Variants in AFM observed in about 807,000 individuals in gnomAD.
AFM encodes afamin.
Under a neutral mutation model 68.7 loss-of-function variants are expected in AFM, and 82 were observed. The ratio of observed to expected loss-of-function variants is 1.19; its 90% CI spans 1.00 to 1.43. The LOEUF is 1.43. Ranked by LOEUF, AFM falls within the 40% of genes most tolerant of loss-of-function variation. The pLI is 0.00. For synonymous variants in AFM, 250 were observed against 234.2 expected, an observed-to-expected ratio of 1.07 and a Z score of -0.61; for missense variants, 772 against 701.8, an observed-to-expected ratio of 1.10 and a Z score of -1.13.
At chr4:73,501,647 C>A in intron 12 of AFM, 140 bp from the exon 13 acceptor site, 1 of 764,230 alleles carries the variant, frequency 1.3e-6, no homozygotes, top group South Asian at 2.6e-5. Context: ...TTCAGAAGAC[C>A]CATTCAAAGT....
At chr4:73,488,502 A>G in intron 6 of AFM, 128 bp from the exon 7 acceptor site, 2 of 772,948 alleles carry the variant, frequency 2.6e-6, no homozygotes, top group East Asian at 2.9e-5. Context: ...AAAGACTTCT[A>G]TAAAAACAAC....
intron 3 of AFM, 77 bp downstream of exon 3, chr4:73,484,467 TTTCTTTCTTTC>T (rs1296893601): frequency 7.4e-6 from 4 of 537,224 alleles, no homozygotes; most frequent in Non-Finnish European, 1.2e-5. Context: ...TCTTTCTTTC[TTTCTTTCTTTC>T]TTTCTTTCTT....
At chr4:73,494,828 C>T (rs533418064) in intron 8 of AFM, among the ~76,000 whole-genome samples, 1 of 152,294 alleles carries the variant, frequency 6.6e-6, no homozygotes, top group East Asian at 1.9e-4. Context: ...TAAACACTCC[C>T]ATAGTTGGCA....
Position 73,497,743 on chromosome 4 carries a change from A to G in AFM, c.1283A>G (p.Lys428Arg), listed in dbSNP as rs1248713301. Reference protein sequence around the residue: ...HFQNLGKDGLKYHYLIRLTKI... With the variant: ...HFQNLGKDGLRYHYLIRLTKI... ...CAGAATTTGGGGAAGGATGGTTTGA[A>G]ATACCAGTATGTTGTTTGCACAAGT... Residue 428 changes from lysine to arginine, a missense_variant, in exon 10 of 15, where the codon AAA becomes AGA. By Grantham distance (26) the Lys-to-Arg change is conservative. Coordinates refer to ENST00000226355, the MANE Select transcript of AFM (RefSeq NM_001133.2). 1.3e-6 allele frequency: 2 copies of G among 1,590,056 alleles called. No homozygotes were observed. The highest frequency in any genetic ancestry group is 1.7e-6 in the Non-Finnish European group (2 of 1,162,502).
In AFM at chr4:73,497,372, A is replaced by G. The variant is rs532094310; in HGVS notation, c.1192-280A>G. 2.0e-5 allele frequency among the ~76,000 whole-genome samples: 3 copies of G among 152,338 alleles called. No individual in the cohort carries two copies. The East Asian group carries it at 5.8e-4, about 29-fold the overall frequency. ...AACTGAATGTTATTATTTTCAACAT[A>G]CAATTTAAATTCTGTTTTGTAATTT... is the stretch of plus-strand genomic sequence containing the variant. On this transcript the variant is annotated intron_variant, in intron 9 of 14. Coordinates refer to ENST00000226355, the MANE Select transcript of AFM (RefSeq NM_001133.2).
At chr4:73,499,941 T>C in intron 11 of AFM, 63 bp from the exon 12 acceptor site, 2 of 1,395,288 alleles carry the variant, frequency 1.4e-6, no homozygotes, top group East Asian at 4.6e-5. Flanking sequence ...CATCTAACCA[T>C]ATTTTTAGAA....
intron 2 of AFM, 58 bp downstream of exon 2, chr4:73,484,047 G>A (rs1720786677): frequency 4.2e-6 from 6 of 1,441,250 alleles, no homozygotes; most frequent in South Asian, 1.3e-5. Flanking sequence ...TTCTAGAAAT[G>A]TTAATGCTTC....
chr4:73,501,318 T>C (rs1164159513), intron 12 of AFM, among the ~76,000 whole-genome samples: 1 of 152,148 alleles, frequency 6.6e-6, no homozygotes, highest in African/African-American at 2.4e-5. Flanking sequence ...ACTGCATAAA[T>C]GTGTAATGAT....
chr4:73,486,107 G>A (rs1270338057), intron 4 of AFM, 34 bp downstream of exon 4: 1 of 1,548,636 alleles, frequency 6.5e-7, no homozygotes, highest in African/African-American at 1.4e-5. Flanking sequence ...TGATCCAGTT[G>A]AAGAATTAGT....
intron 1 of AFM, among the ~76,000 whole-genome samples, chr4:73,483,235 G>T (rs1300682196): frequency 6.6e-6 from 1 of 151,628 alleles, no homozygotes; most frequent in Non-Finnish European, 1.5e-5. Context: ...TCTCACCCAG[G>T]ATTCATAAAG....
Position 73,503,045 on chromosome 4 carries a change from C to T in AFM, c.1780-5C>T, listed in dbSNP as rs1156539604. 1 of 1,612,954 alleles carries T rather than the reference C, an allele frequency of 6.2e-7. No individual in the cohort carries two copies. Among genetic ancestry groups the T allele is most frequent in the African/African-American group, 1.3e-5 (1 of 74,990 alleles). On this transcript the variant is annotated splice_region_variant and splice_polypyrimidine_tract_variant and intron_variant, in intron 13 of 14. Coordinates refer to ENST00000226355, the MANE Select transcript of AFM (RefSeq NM_001133.2). ...ATGTGTTTTTATTTCCATCCCTCACCTCAGAGTCCAAAAATTGGCAACTGA... is the reference window on the plus strand; with the variant it reads ...ATGTGTTTTTATTTCCATCCCTCACTTCAGAGTCCAAAAATTGGCAACTGA...
chr4:73,497,196 A>G (rs1488920532), intron 9 of AFM, among the ~76,000 whole-genome samples: 1 of 152,196 alleles, frequency 6.6e-6, no homozygotes, highest in Admixed American at 6.5e-5. Context: ...AATCTAAACA[A>G]TGAAAAAATC....
intron 10 of AFM, among the ~76,000 whole-genome samples, chr4:73,498,788 T>A (rs375215007): frequency 1.3e-5 from 2 of 152,300 alleles, no homozygotes; most frequent in East Asian, 1.9e-4. Context: ...TTTCTAATGA[T>A]GTAAATTATT....
intron 7 of AFM, among the ~76,000 whole-genome samples, chr4:73,490,662 G>C (rs1721046991): frequency 6.6e-6 from 1 of 152,044 alleles, no homozygotes; most frequent in Non-Finnish European, 1.5e-5. Context: ...TGAAATCTAA[G>C]GTACTGAATT....
rs1359278382 is a variant in AFM at position 73,487,195 on chromosome 4, A to G, written c.615+96A>G. ...TATTATAGCAAAAGGCTTGCTTACC[A>G]TATATGATGTTCTCTTGTCACATTC... On this transcript the variant is annotated intron_variant, in intron 5 of 14. Coordinates refer to ENST00000226355, the MANE Select transcript of AFM (RefSeq NM_001133.2). 10 of 1,326,470 alleles carry G rather than the reference A, an allele frequency of 7.5e-6. No individual in the cohort carries two copies. The East Asian group carries it at 1.2e-4, about 17-fold the overall frequency. The allele number at this position is 1,326,470 out of a possible 1,614,324, so 82.2% of individuals were successfully genotyped here.
At chr4:73,494,264 A>G (rs1721187165) in intron 8 of AFM, among the ~76,000 whole-genome samples, 1 of 152,178 alleles carries the variant, frequency 6.6e-6, no homozygotes, top group African/African-American at 2.4e-5. Flanking sequence ...AGATTAATCA[A>G]GAAGGTCAAA....
In AFM at chr4:73,497,723, T is replaced by G; in HGVS notation, c.1263T>G (p.Asn421Lys). 6.2e-7 allele frequency: 1 copy of G among 1,607,610 alleles called. No individual in the cohort carries two copies. The highest frequency in any genetic ancestry group is 8.5e-7 in the Non-Finnish European group (1 of 1,176,314). ...MVQQECKHFQ[N>K]LGKDGLKYHY... Reference sequence around the variant, plus strand: ...AACAAGAATGTAAACATTTCCAGAATTTGGGGAAGGATGGTTTGAAATACC... The same window carrying G: ...AACAAGAATGTAAACATTTCCAGAAGTTGGGGAAGGATGGTTTGAAATACC... The change falls in exon 10 of 15, where the codon AAT becomes AAG. Residue 421 changes from asparagine to lysine, a missense_variant. Physicochemically the swap from Asn to Lys is moderately conservative, Grantham distance 94. Transcript: ENST00000226355.
chr4:73,495,524 G>A, intron 9 of AFM, 92 bp downstream of exon 9: 1 of 1,501,598 alleles, frequency 6.7e-7, no homozygotes, highest in Non-Finnish European at 9.0e-7. Flanking sequence ...CAGTCTGGGG[G>A]TAGAAAATGT....
At chr4:73,487,496 T>C (rs903612598) in intron 5 of AFM, among the ~76,000 whole-genome samples, 4 of 152,216 alleles carry the variant, frequency 2.6e-5, no homozygotes, top group African/African-American at 9.6e-5. Flanking sequence ...GGAGCACTTA[T>C]GCACCTTTTT....
Sources: gnomAD v4.1 joint callset for allele counts (sites outside exome capture counted in the v4.1 genomes callset) on GRCh38, gnomAD v4.1.1 for gene constraint, MANE v1.5 for transcripts, NCBI Gene and HGNC (gene_info 2026-07-23, HGNC 2026-07-21) for gene names.